Variants in CAP2 observed in about 807,000 individuals in gnomAD.
CAP2 encodes cyclase associated actin cytoskeleton regulatory protein 2, also known as adenylyl cyclase-associated protein 2.
CAP2 carries 24 observed loss-of-function variants against 57.7 expected under a neutral mutation model. That is an observed-to-expected ratio of 0.42 (90% CI 0.30 to 0.58). The LOEUF (loss-of-function observed/expected upper bound fraction) is 0.58. CAP2 is among the 20% of genes least tolerant of loss of function. CAP2 has a pLI of 0.22. For synonymous variants in CAP2, 194 were observed against 207.2 expected (o/e 0.94, Z 0.55); for missense variants, 501 against 590.3 (o/e 0.85, Z 1.57).
intron 4 of CAP2, among the ~76,000 whole-genome samples, chr6:17,486,836 T>G (rs1383239345): frequency 6.6e-6 from 1 of 152,222 alleles, no homozygotes; most frequent in African/African-American, 2.4e-5. Context: ...CCTCATTCCG[T>G]GTCCTGTGGA....
chr6:17,488,428 C>T (rs1309268286), intron 4 of CAP2, among the ~76,000 whole-genome samples: 2 of 152,206 alleles, frequency 1.3e-5, no homozygotes, highest in Non-Finnish European at 2.9e-5. Context: ...CTTGGTCCCA[C>T]AGCCCCACTG....
At chr6:17,396,834 T>C (rs1468779704) in intron 1 of CAP2, among the ~76,000 whole-genome samples, 1 of 152,140 alleles carries the variant, frequency 6.6e-6, no homozygotes, top group Non-Finnish European at 1.5e-5. Flanking sequence ...CTCAATAAAA[T>C]TGTTAAAGAA....
chr6:17,427,906 C>A (rs2113541194), intron 3 of CAP2, among the ~76,000 whole-genome samples: 1 of 152,288 alleles, frequency 6.6e-6, no homozygotes, highest in East Asian at 1.9e-4. Flanking sequence ...AAGACAAATA[C>A]TGTATGATTC....
chr6:17,431,747 T>C (rs1759743307), intron 3 of CAP2, among the ~76,000 whole-genome samples: 1 of 152,158 alleles, frequency 6.6e-6, no homozygotes, highest in Non-Finnish European at 1.5e-5. Flanking sequence ...TCCCTTCATC[T>C]GCTCCTTAAC....
chr6:17,551,633 A>G, intron 12 of CAP2, 29 bp downstream of exon 12: 2 of 1,525,378 alleles, frequency 1.3e-6, no homozygotes, highest in Middle Eastern at 1.8e-4. Context: ...GCTGTCAAGA[A>G]TTTTTCTGGA....
At chr6:17,405,890 G>GCCA (rs1758951316) in intron 1 of CAP2, among the ~76,000 whole-genome samples, 1 of 151,958 alleles carries the variant, frequency 6.6e-6, no homozygotes, top group Admixed American at 6.6e-5. Context: ...ATAGGCTCAG[G>GCCA]CCACCACACT....
At chr6:17,496,029 G>GCGGA (rs1554127011) in intron 4 of CAP2, among the ~76,000 whole-genome samples, 16 of 125,840 alleles carry the variant, frequency 1.3e-4, no homozygotes, top group East Asian at 5.3e-4. Context: ...TGTGTGGGTG[G>GCGGA]GGGGGGGGGG....
chr6:17,493,064 A>C (rs972898228), intron 4 of CAP2, among the ~76,000 whole-genome samples: 1 of 152,266 alleles, frequency 6.6e-6, no homozygotes, highest in Admixed American at 6.5e-5. Flanking sequence ...TGTGAATAAA[A>C]AATCTGTATC....
At chr6:17,403,035 G>C (rs1281216843) in intron 1 of CAP2, among the ~76,000 whole-genome samples, 1 of 151,956 alleles carries the variant, frequency 6.6e-6, no homozygotes, top group Admixed American at 6.6e-5. Context: ...GCATTACATT[G>C]ATAAAAACAA....
chr6:17,424,257 G>A (rs1434009631), intron 2 of CAP2, among the ~76,000 whole-genome samples: 1 of 152,066 alleles, frequency 6.6e-6, no homozygotes, highest in Non-Finnish European at 1.5e-5. Context: ...AAAATTAGCT[G>A]GGCGTGGTGG....
At chr6:17,504,724 AAC>A (rs138296308) in intron 4 of CAP2, among the ~76,000 whole-genome samples, 9 of 151,626 alleles carry the variant, frequency 5.9e-5, no homozygotes, top group African/African-American at 1.2e-4. Context: ...TACACACACA[AAC>A]ACACACACAC....
Position 17,506,889 on chromosome 6 carries a change from AAATGGGGGCTGTGCC to A in CAP2, c.301-278_301-264del, listed in dbSNP as rs1438711531. Among the ~76,000 whole-genome samples the A allele has an allele frequency of 2.0e-5, 3 of 152,230 alleles. No individual in the cohort carries two copies. The East Asian group carries it at 5.8e-4, about 29-fold the overall frequency. On this transcript the variant is annotated intron_variant, in intron 4 of 12. Coordinates refer to ENST00000229922, the MANE Select transcript of CAP2 (RefSeq NM_006366.3). ...ACTGTCTTCCATGAAGGAGTCTTCA[AAATGGGGGCTGTGCC>A]ATACTGCTGGGTTTTTTCCACATCT...
chr6:17,399,563 G>A (rs1173975053), intron 1 of CAP2, among the ~76,000 whole-genome samples: 1 of 152,164 alleles, frequency 6.6e-6, no homozygotes, highest in Non-Finnish European at 1.5e-5. Flanking sequence ...TGACTATTAT[G>A]AATGGGGTCT....
intron 1 of CAP2, among the ~76,000 whole-genome samples, chr6:17,405,584 G>A (rs1164585715): frequency 6.6e-6 from 1 of 151,904 alleles, no homozygotes; most frequent in African/African-American, 2.4e-5. Context: ...TTGACCATGG[G>A]TAACTGAAAC....
intron 7 of CAP2, among the ~76,000 whole-genome samples, chr6:17,536,890 A>C (rs1762786162): frequency 6.6e-6 from 1 of 152,154 alleles, no homozygotes; most frequent in Non-Finnish European, 1.5e-5. Context: ...TTCAGAGCAA[A>C]TTCTCAAATT....
intron 1 of CAP2, among the ~76,000 whole-genome samples, chr6:17,403,543 G>T (rs537314057): frequency 1.3e-5 from 2 of 152,282 alleles, no homozygotes; most frequent in African/African-American, 4.8e-5. Context: ...TGTAATATTT[G>T]TGTTGTTTTC....
At chr6:17,488,068 CT>C (rs1561801534) in intron 4 of CAP2, among the ~76,000 whole-genome samples, 2 of 151,748 alleles carry the variant, frequency 1.3e-5, no homozygotes, top group Non-Finnish European at 2.9e-5. Context: ...GGGACACCCA[CT>C]TAGTTTTATT....
intron 3 of CAP2, among the ~76,000 whole-genome samples, chr6:17,460,624 C>A (rs1420998890): frequency 6.6e-6 from 1 of 152,104 alleles, no homozygotes; most frequent in Non-Finnish European, 1.5e-5. Context: ...ATCCCAGTCT[C>A]AACATTTTAT....
intron 2 of CAP2, among the ~76,000 whole-genome samples, chr6:17,426,284 G>A (rs1399670663): frequency 1.4e-5 from 2 of 146,982 alleles, no homozygotes; most frequent in East Asian, 4.1e-4. Flanking sequence ...TCAGGCTGGA[G>A]TGCAGTGGCG....
Sources: gnomAD v4.1 joint callset for allele counts (sites outside exome capture counted in the v4.1 genomes callset) on GRCh38, gnomAD v4.1.1 for gene constraint, MANE v1.5 for transcripts, NCBI Gene and HGNC (gene_info 2026-07-23, HGNC 2026-07-21) for gene names.